Variants in HS6ST2 observed in about 807,000 individuals in gnomAD.
HS6ST2 encodes the protein heparan sulfate 6-O-sulfotransferase 2, also known as heparan-sulfate 6-O-sulfotransferase 2.
Under a neutral mutation model 33.0 loss-of-function variants are expected in HS6ST2, and 17 were observed. The ratio of observed to expected loss-of-function variants is 0.52; its 90% CI spans 0.35 to 0.77. HS6ST2 has a LOEUF of 0.77. HS6ST2 is among the 30% of genes least tolerant of loss of function. HS6ST2 has a pLI of 0.01. For missense variants in HS6ST2, 519 were observed against 551.7 expected (o/e 0.94, Z 0.59); for synonymous variants, 248 against 237.1 (o/e 1.05, Z -0.42).
intron 3 of HS6ST2, among the ~76,000 whole-genome samples, chrX:132,671,446 C>CTTTT (rs138709239): frequency 2.2e-5 from 2 of 91,258 alleles, no homozygotes; most frequent in Non-Finnish European, 2.2e-5. Context: ...CATTCATTCA[C>CTTTT]TTTTTTTTTT....
intron 2 of HS6ST2, among the ~76,000 whole-genome samples, chrX:132,718,523 G>A (rs923495497): frequency 9.0e-6 from 1 of 111,313 alleles, no homozygotes; most frequent in Admixed American, 9.5e-5. Context: ...TGTGGAGAGG[G>A]ATCACTGTAT....
At position 132,708,487 on chromosome X, in the gene HS6ST2, T is replaced by A. The variant is rs868713950; in HGVS notation, c.955A>T (p.Ile319Phe). 4.2e-6 allele frequency: 5 copies of A among 1,182,484 alleles called. No homozygotes were observed. Among genetic ancestry groups the A allele is most frequent in the Non-Finnish European group, 4.5e-6 (4 of 879,139 alleles). The change falls in exon 3 of 5, where the codon ATT (isoleucine) becomes TTT (phenylalanine). Residue 319 changes from isoleucine (I) to phenylalanine (F), a missense_variant. Transcript: ENST00000370833. ...CTTGCTGCATCTAGAATCTGAAAAA[T>A]CCTCCACCTGTTAAAGGAACAGTAA... Reference protein sequence around the residue: ...DARLRPSRWRIFQILDAASKD... With the variant: ...DARLRPSRWRFFQILDAASKD...
At chrX:132,645,663 T>C (rs1216932589) in intron 4 of HS6ST2, among the ~76,000 whole-genome samples, 2 of 112,146 alleles carry the variant, frequency 1.8e-5, no homozygotes. Context: ...AGTTGAAATA[T>C]GGGCAGGTAC....
chrX:132,744,828 T>C lies in HS6ST2; in HGVS notation c.948-36334A>G, dbSNP rs773374907. On this transcript the variant is annotated intron_variant, in intron 2 of 4. Transcript: ENST00000370833. ...ACACATTCAGACCAAAGAAAATGAA[T>C]GAATGGAAGCCAGGTATCAAACATT... Among the ~76,000 whole-genome samples, 63 of 111,951 alleles carry C rather than the reference T, an allele frequency of 5.6e-4. 1 individual carries two copies. Among genetic ancestry groups the C allele is most frequent in the Non-Finnish European group, 3.2e-4 (17 of 53,231 alleles).
At chrX:132,740,069 T>C (rs188090593) in intron 2 of HS6ST2, among the ~76,000 whole-genome samples, 1 of 111,854 alleles carries the variant, frequency 8.9e-6, no homozygotes, top group Admixed American at 9.5e-5. Context: ...TTGATTACAT[T>C]GTCAACATGT....
At chrX:132,916,682 C>T (rs906263285) in intron 2 of HS6ST2, among the ~76,000 whole-genome samples, 14 of 111,976 alleles carry the variant, frequency 1.3e-4, no homozygotes, top group Non-Finnish European at 3.8e-5. Context: ...ATGCTTCCTG[C>T]CCCTGAACAT....
intron 2 of HS6ST2, among the ~76,000 whole-genome samples, chrX:132,800,923 T>C (rs2065228742): frequency 8.9e-6 from 1 of 111,757 alleles, no homozygotes; most frequent in African/African-American, 3.3e-5. Flanking sequence ...TTCACTTTCT[T>C]CTCTCACCTG....
At chrX:132,779,203 A>G (rs1207843131) in intron 2 of HS6ST2, among the ~76,000 whole-genome samples, 1 of 111,694 alleles carries the variant, frequency 9.0e-6, no homozygotes, top group East Asian at 2.8e-4. Flanking sequence ...CCACTCTGAA[A>G]ACAAGACTCC....
At chrX:132,637,970 A>T (rs1381386853) in intron 4 of HS6ST2, among the ~76,000 whole-genome samples, 12 of 79,977 alleles carry the variant, frequency 1.5e-4, no homozygotes, top group African/African-American at 5.6e-4. Context: ...AAAATATTTT[A>T]TATATATATA....
intron 2 of HS6ST2, among the ~76,000 whole-genome samples, chrX:132,936,221 G>A (rs1366074020): frequency 9.0e-6 from 1 of 110,647 alleles, no homozygotes. Context: ...CAATAAACTG[G>A]ATAACTTGGA....
At chrX:132,815,411 C>T (rs1348991647) in intron 2 of HS6ST2, among the ~76,000 whole-genome samples, 5 of 111,459 alleles carry the variant, frequency 4.5e-5, no homozygotes, top group Non-Finnish European at 9.4e-5. Flanking sequence ...GAAACTGAAG[C>T]TGAGAGAGGT....
chrX:132,778,852 C>T (rs1237336900), intron 2 of HS6ST2, among the ~76,000 whole-genome samples: 1 of 112,071 alleles, frequency 8.9e-6, no homozygotes, highest in Non-Finnish European at 1.9e-5. Context: ...GCTATCAGAA[C>T]ATTTCACACT....
At chrX:132,775,714 G>A (rs2064950960) in intron 2 of HS6ST2, among the ~76,000 whole-genome samples, 1 of 111,140 alleles carries the variant, frequency 9.0e-6, no homozygotes, top group Non-Finnish European at 1.9e-5. Context: ...AGAACTATGG[G>A]ACTTTTAAAA....
chrX:132,647,235 C>T (rs987482780), intron 4 of HS6ST2, among the ~76,000 whole-genome samples: 21 of 111,236 alleles, frequency 1.9e-4, no homozygotes, highest in Non-Finnish European at 3.8e-4. Flanking sequence ...GTGACTTCCT[C>T]CTCCTCCTGG....
At chrX:132,645,424 T>C (rs1355233139) in intron 4 of HS6ST2, among the ~76,000 whole-genome samples, 2 of 112,868 alleles carry the variant, frequency 1.8e-5, no homozygotes, top group Non-Finnish European at 3.7e-5. Context: ...ATGAGGTCTT[T>C]TGGTGACAGT....
chrX:132,817,853 C>T (rs777690947), intron 2 of HS6ST2, among the ~76,000 whole-genome samples: 1 of 111,747 alleles, frequency 8.9e-6, no homozygotes, highest in South Asian at 3.8e-4. Context: ...ATACCTACCT[C>T]TGATAGCTAT....
intron 2 of HS6ST2, among the ~76,000 whole-genome samples, chrX:132,734,208 G>T (rs1164795925): frequency 1.9e-5 from 2 of 107,375 alleles, no homozygotes; most frequent in Non-Finnish European, 3.8e-5. Context: ...CAAGATGACA[G>T]TGATGTTTCT....
At chrX:132,912,739 G>A (rs772748325) in intron 2 of HS6ST2, among the ~76,000 whole-genome samples, 1 of 112,019 alleles carries the variant, frequency 8.9e-6, no homozygotes, top group East Asian at 2.8e-4. Flanking sequence ...AGCAGCAGAA[G>A]GCAGACAAGT....
At chrX:132,932,903 A>C (rs1048006930) in intron 2 of HS6ST2, among the ~76,000 whole-genome samples, 2 of 106,165 alleles carry the variant, frequency 1.9e-5, no homozygotes, top group African/African-American at 6.7e-5. Context: ...ATTCTATAAT[A>C]TATATTTATA....
Sources: allele counts gnomAD v4.1 joint callset (sites outside exome capture counted in the v4.1 genomes callset), GRCh38; gene constraint gnomAD v4.1.1; transcripts MANE v1.5; gene names NCBI Gene and HGNC (gene_info 2026-07-23, HGNC 2026-07-21).